The following MRPL39 variants were observed in gnomAD, a reference collection of about 807,000 sequenced individuals.
The protein encoded by MRPL39 is large ribosomal subunit protein mL39.
A neutral mutation model predicts 44.5 loss-of-function variants in MRPL39; 35 were observed. The observed-to-expected ratio is 0.79, with a 90% CI of 0.60 to 1.04. MRPL39 has a LOEUF of 1.04. MRPL39 is among the 50% of genes least tolerant of loss of function. The pLI is 0.00. For synonymous variants in MRPL39, 139 were observed against 136.1 expected (o/e 1.02, Z -0.15); for missense variants, 433 against 413.5 (o/e 1.05, Z -0.41).
intron 3 of MRPL39, 113 bp downstream of exon 3, chr21:25,603,683 G>A (rs725493): frequency 0.8 from 888,758 of 1,109,660 alleles, 357,456 homozygotes; most frequent in Non-Finnish European, 0.82. Context: ...TAAAGAGTAC[G>A]ATACAACATT....
In MRPL39 at chr21:25,601,412, T is replaced by A; in HGVS notation, c.476A>T (p.Lys159Ile). The A allele has an allele frequency of 1.2e-6, 2 of 1,611,326 alleles. No individual in the cohort carries two copies. The highest frequency in any genetic ancestry group is 1.7e-6 in the Non-Finnish European group (2 of 1,178,420). Residue 159 changes from lysine to isoleucine, a missense_variant, in exon 4 of 10, where the codon AAA (lysine) becomes ATA (isoleucine). Coordinates refer to ENST00000352957, the MANE Select transcript of MRPL39 (RefSeq NM_017446.4). ...GACCAAATTGACCATATATTCATCT[T>A]TGAATGCCCTCTCTATCACACAGCC... Reference protein sequence around the residue: ...MMGCVIERAFKDEYMVNLVRA... With the variant: ...MMGCVIERAFIDEYMVNLVRA...
At chr21:25,598,458 G>A (rs892443053) in intron 5 of MRPL39, among the ~76,000 whole-genome samples, 1 of 149,918 alleles carries the variant, frequency 6.7e-6, no homozygotes, top group African/African-American at 2.4e-5. Context: ...AAAAAAGAGA[G>A]AGAAAGAAAG....
At chr21:25,604,844 A>C (rs934238259) in intron 2 of MRPL39, among the ~76,000 whole-genome samples, 1 of 152,218 alleles carries the variant, frequency 6.6e-6, no homozygotes, top group East Asian at 1.9e-4. Flanking sequence ...GCAGGTGTTC[A>C]ATAACAGTTT....
chr21:25,606,276 C>A (rs1189812509), intron 2 of MRPL39, among the ~76,000 whole-genome samples, 173 bp downstream of exon 2: 3 of 152,152 alleles, frequency 2.0e-5, no homozygotes. Context: ...TTAGCTAGGT[C>A]TGTGATGTGG....
At position 25,586,663 on chromosome 21, in the gene MRPL39, AT is replaced by A. The variant is rs2031007963; in HGVS notation, c.970-910del. Among the ~76,000 whole-genome samples the A allele has an allele frequency of 2.0e-5, 3 of 152,176 alleles. 1 individual carries two copies. The South Asian group carries it at 6.2e-4, about 32-fold the overall frequency. The stretch of plus-strand genomic sequence containing the variant: ...TACCTATCCTACATGTGACCTGTAC[AT>A]TCAAATTCATCTTACATTCATCATG... On this transcript the variant is annotated intron_variant, in intron 9 of 9. Transcript: ENST00000352957.
rs2031384314 is a variant in MRPL39, at chr21:25,597,150, C to T, written c.701+152G>A. The T allele has an allele frequency of 5.3e-6, 3 of 570,474 alleles. No individual in the cohort carries two copies. In the South Asian group the frequency reaches 7.4e-5, roughly 14 times the overall value. The allele number at this position is 570,474 out of a possible 1,614,324, so 35.3% of individuals were successfully genotyped here. A position where few individuals can be genotyped will look rare whatever the true frequency, so the allele number is the denominator to read the frequency against. On this transcript the variant is annotated intron_variant, in intron 6 of 9. Coordinates refer to ENST00000352957, the MANE Select transcript of MRPL39 (RefSeq NM_017446.4). ...CAAGGGACATGGGTAACATTTTCCTCAGCGAAATAAATGAGATCACAGAGG... is the reference window on the plus strand; with the variant it reads ...CAAGGGACATGGGTAACATTTTCCTTAGCGAAATAAATGAGATCACAGAGG...
intron 8 of MRPL39, among the ~76,000 whole-genome samples, chr21:25,590,890 G>A (rs1330331302): frequency 6.6e-6 from 1 of 152,146 alleles, no homozygotes; most frequent in African/African-American, 2.4e-5. Flanking sequence ...TAGAGCTACA[G>A]TAATCAAGAC....
chr21:25,605,575 C>T (rs1354924244), intron 2 of MRPL39, among the ~76,000 whole-genome samples: 1 of 152,118 alleles, frequency 6.6e-6, no homozygotes, highest in Non-Finnish European at 1.5e-5. Flanking sequence ...AATCCCTTTA[C>T]ACCAAAATCC....
chr21:25,592,048 G>A (rs541853215), intron 8 of MRPL39, among the ~76,000 whole-genome samples: 1 of 152,278 alleles, frequency 6.6e-6, no homozygotes, highest in Non-Finnish European at 1.5e-5. Flanking sequence ...TATACTGAGT[G>A]AAAAGTGCCA....
At chr21:25,597,540 T>G in intron 5 of MRPL39, 126 bp from the exon 6 acceptor site, 1 of 542,672 alleles carries the variant, frequency 1.8e-6, no homozygotes, top group Non-Finnish European at 3.2e-6. Context: ...AAATCAAATT[T>G]GTTAGAACAG....
At chr21:25,591,882 T>C (rs73158419) in intron 8 of MRPL39, among the ~76,000 whole-genome samples, 13,035 of 152,258 alleles carry the variant, frequency 0.086, 774 homozygotes, top group South Asian at 0.25. Flanking sequence ...GCAGCTTTAT[T>C]TGTAATAGCC....
intron 1 of MRPL39, 96 bp downstream of exon 1, chr21:25,607,307 G>T: frequency 4.4e-6 from 6 of 1,358,526 alleles, no homozygotes; most frequent in South Asian, 1.2e-5. Flanking sequence ...TCCTTCCTCT[G>T]CCCCGCGGGA....
intron 1 of MRPL39, 31 bp downstream of exon 1, chr21:25,607,372 G>T (rs2123264663): frequency 6.2e-7 from 1 of 1,612,222 alleles, no homozygotes; most frequent in Non-Finnish European, 8.5e-7. Context: ...TCTAGGCCTC[G>T]CTCCCTGTCC....
At chr21:25,604,729 G>A (rs1177609028) in intron 2 of MRPL39, among the ~76,000 whole-genome samples, 1 of 152,146 alleles carries the variant, frequency 6.6e-6, no homozygotes, top group African/African-American at 2.4e-5. Flanking sequence ...CAAACTACAA[G>A]GTCTAAATTA....
chr21:25,607,083 C>G (rs1311842754), intron 1 of MRPL39, among the ~76,000 whole-genome samples: 1 of 152,262 alleles, frequency 6.6e-6, no homozygotes, highest in Non-Finnish European at 1.5e-5. Context: ...CCTGCCAAGG[C>G]AAGTACGAGT....
Position 25,593,973 on chromosome 21 carries a change from A to AG in MRPL39, c.702-16dup. On this transcript the variant is annotated splice_polypyrimidine_tract_variant and intron_variant, in intron 6 of 9. Transcript: ENST00000352957. Reference sequence around the variant, plus strand: ...CTACTTTGTACCTGAAAAGCAGCAAAGAAAAAAACATTTTTTTAACTCAAA... The same window carrying AG: ...CTACTTTGTACCTGAAAAGCAGCAAAGGAAAAAAACATTTTTTTAACTCAAA... The AG allele has an allele frequency of 6.2e-7, 1 of 1,608,748 alleles. No homozygotes were observed. The highest frequency in any genetic ancestry group is 8.5e-7 in the Non-Finnish European group (1 of 1,177,194).
At chr21:25,604,150 T>C (rs1436424534) in intron 2 of MRPL39, among the ~76,000 whole-genome samples, 6 of 151,320 alleles carry the variant, frequency 4.0e-5, no homozygotes, top group Non-Finnish European at 7.4e-5. Context: ...TCCCAGTTAT[T>C]TGGGAGGCTG....
intron 6 of MRPL39, among the ~76,000 whole-genome samples, chr21:25,595,203 GAACACTGGTTTATGCAAA>G (rs1487818191): frequency 3.3e-5 from 5 of 152,158 alleles, no homozygotes; most frequent in African/African-American, 1.2e-4. Context: ...CAAAGTTAGG[GAACACTGGTTTATGCAAA>G]AACACCCACT....
intron 9 of MRPL39, 148 bp downstream of exon 9, chr21:25,588,687 A>C (rs377614495): frequency 1.3e-5 from 9 of 667,052 alleles, no homozygotes; most frequent in East Asian, 8.0e-5. Context: ...ACACTAGTGA[A>C]CAATCACAAC....
Sources: gnomAD v4.1 joint callset for allele counts (sites outside exome capture counted in the v4.1 genomes callset) on GRCh38, gnomAD v4.1.1 for gene constraint, MANE v1.5 for transcripts, NCBI Gene and HGNC (gene_info 2026-07-23, HGNC 2026-07-21) for gene names.